The following TRAK1 variants were observed in gnomAD, a reference collection of about 807,000 sequenced individuals.
The protein encoded by TRAK1 is trafficking kinesin-binding protein 1.
Under a neutral mutation model 92.1 loss-of-function variants are expected in TRAK1, and 33 were observed. The observed-to-expected ratio is 0.36, with a 90% CI of 0.27 to 0.48. The LOEUF (loss-of-function observed/expected upper bound fraction) is 0.48. Among genes scored for constraint, TRAK1 ranks in the 20% least tolerant of loss-of-function variants. The pLI is 0.99. For missense variants in TRAK1, 1,123 were observed against 1,257.9 expected, an observed-to-expected ratio of 0.89 and a Z score of 1.62; for synonymous variants, 521 against 517.3, an observed-to-expected ratio of 1.01 and a Z score of -0.10.
intron 12 of TRAK1, among the ~76,000 whole-genome samples, 164 bp downstream of exon 12, chr3:42,201,218 G>A (rs1360926075): frequency 6.6e-6 from 1 of 152,118 alleles, no homozygotes; most frequent in Admixed American, 6.5e-5. Context: ...TAGCACTTTC[G>A]GAGACCGAGG....
At chr3:42,154,619 T>TG (rs1700336699) in intron 2 of TRAK1, among the ~76,000 whole-genome samples, 1 of 151,996 alleles carries the variant, frequency 6.6e-6, no homozygotes, top group South Asian at 2.1e-4. Context: ...TTTGTAGAGA[T>TG]GGGGTCTCAC....
At chr3:42,160,105 G>T in intron 2 of TRAK1, 3 of 577,908 alleles carry the variant, frequency 5.2e-6, no homozygotes, top group Non-Finnish European at 4.7e-6. Context: ...ACCCCGCCAA[G>T]TGCTCCACCC....
At chr3:42,182,835 C>T (rs1320719456) in intron 3 of TRAK1, among the ~76,000 whole-genome samples, 4 of 152,204 alleles carry the variant, frequency 2.6e-5, no homozygotes, top group Admixed American at 2.0e-4. Flanking sequence ...CTATCCAAGA[C>T]GTTAGAAATA....
intron 1 of TRAK1, among the ~76,000 whole-genome samples, chr3:42,100,959 C>T (rs879843789): frequency 9.2e-5 from 14 of 152,250 alleles, no homozygotes; most frequent in East Asian, 3.8e-4. Flanking sequence ...TGAGCCACCA[C>T]GCCTGGCCAA....
chr3:42,090,995 C>G (rs1041426172), upstream of TRAK1: 42 of 165,168 alleles, frequency 2.5e-4, no homozygotes, highest in Non-Finnish European at 3.6e-4. Flanking sequence ...CCTAGACTAT[C>G]CCCAAGAATG....
chr3:42,201,109 G>A, intron 12 of TRAK1, 55 bp downstream of exon 12: 4 of 1,553,438 alleles, frequency 2.6e-6, no homozygotes, highest in Non-Finnish European at 3.6e-6. Flanking sequence ...GTGGTAGTAT[G>A]GATTGTCTGC....
chr3:42,163,959 T>C (rs1214559507), intron 2 of TRAK1, among the ~76,000 whole-genome samples: 2 of 152,210 alleles, frequency 1.3e-5, no homozygotes, highest in Non-Finnish European at 2.9e-5. Context: ...CTTTGTAAAA[T>C]GAAACAAACT....
At chr3:42,203,584 T>C (rs2149481708) in intron 13 of TRAK1, 1 of 985,054 alleles carries the variant, frequency 1.0e-6, no homozygotes. Flanking sequence ...CAAGTGCTTA[T>C]ATTTTTCATT....
At chr3:42,032,741 T>G (rs1559711306) in intron 1 of TRAK1, among the ~76,000 whole-genome samples, 1 of 152,184 alleles carries the variant, frequency 6.6e-6, no homozygotes. Context: ...CTTCTTATAA[T>G]GAAACTATGT....
rs369724949 is a variant in TRAK1, at chr3:42,101,943, C to T, written c.91+10383C>T. Among the ~76,000 whole-genome samples the T allele has an allele frequency of 2.7e-4, 41 of 152,226 alleles. 1 individual carries two copies. The South Asian group carries it at 7.9e-3, about 29-fold the overall frequency. On this transcript the variant is annotated intron_variant, in intron 1 of 15. Coordinates refer to ENST00000327628, the MANE Select transcript of TRAK1 (RefSeq NM_001042646.3). Reference sequence around the variant, plus strand: ...AGTCGTTTCAGGTCATTGAAAATCCCGGCAACCAAAGCTTATTGTTCTTAA... The same window carrying T: ...AGTCGTTTCAGGTCATTGAAAATCCTGGCAACCAAAGCTTATTGTTCTTAA...
chr3:42,108,924 G>A (rs1707962529), intron 1 of TRAK1, among the ~76,000 whole-genome samples: 2 of 152,176 alleles, frequency 1.3e-5, no homozygotes, highest in Admixed American at 1.3e-4. Context: ...GCAAAAGACT[G>A]GAAGTTGGGC....
chr3:42,144,683 A>ATT (rs36102788), intron 2 of TRAK1, among the ~76,000 whole-genome samples: 15 of 151,622 alleles, frequency 9.9e-5, no homozygotes, highest in African/African-American at 3.6e-4. Flanking sequence ...ATCCTTGTAT[A>ATT]TTTTTTTTTA....
intron 4 of TRAK1, among the ~76,000 whole-genome samples, chr3:42,186,978 T>G (rs1257877868): frequency 2.0e-5 from 3 of 152,218 alleles, no homozygotes; most frequent in Non-Finnish European, 4.4e-5. Flanking sequence ...GCAATTCTTC[T>G]TATAGCACTG....
At chr3:42,050,620 C>T (rs1445805818) in intron 1 of TRAK1, among the ~76,000 whole-genome samples, 6 of 151,946 alleles carry the variant, frequency 3.9e-5, no homozygotes, top group African/African-American at 1.5e-4. Flanking sequence ...TCCTTTTTTC[C>T]GTTTTCTTTG....
At chr3:42,015,532 C>G (rs1391869526) in intron 1 of TRAK1, among the ~76,000 whole-genome samples, 1 of 152,138 alleles carries the variant, frequency 6.6e-6, no homozygotes, top group African/African-American at 2.4e-5. Context: ...CTTAACCTCT[C>G]TGTCCTGCTC....
At chr3:42,217,128 C>A in intron 14 of TRAK1, 135 of 189,624 alleles carry the variant, frequency 7.1e-4, no homozygotes, top group Non-Finnish European at 1.1e-3. Flanking sequence ...AGAACTTGCT[C>A]TCTTCCTGCA....
chr3:42,207,549 C>G (rs1708470953), intron 13 of TRAK1, among the ~76,000 whole-genome samples: 1 of 152,186 alleles, frequency 6.6e-6, no homozygotes. Context: ...CACCATTCCC[C>G]TATCTGTAAA....
intron 1 of TRAK1, among the ~76,000 whole-genome samples, chr3:42,046,355 C>A (rs1415993795): frequency 2.0e-5 from 3 of 148,534 alleles, no homozygotes; most frequent in Non-Finnish European, 3.0e-5. Context: ...AAAAAAAAGA[C>A]CACACATAAT....
intron 1 of TRAK1, among the ~76,000 whole-genome samples, chr3:42,105,205 C>T (rs951203479): frequency 3.9e-5 from 6 of 152,124 alleles, no homozygotes; most frequent in South Asian, 4.1e-4. Context: ...CCACCCGCCT[C>T]GGCCTCCCAA....
Sources: gnomAD v4.1 joint callset for allele counts (sites outside exome capture counted in the v4.1 genomes callset) on GRCh38, gnomAD v4.1.1 for gene constraint, MANE v1.5 for transcripts, NCBI Gene and HGNC (gene_info 2026-07-23, HGNC 2026-07-21) for gene names.